The following BCAR1 variants were observed in gnomAD, a reference collection of about 807,000 sequenced individuals.
The protein encoded by BCAR1 is breast cancer anti-estrogen resistance protein 1.
A neutral mutation model predicts 67.6 loss-of-function variants in BCAR1; 30 were observed. The observed-to-expected ratio is 0.44, with a 90% CI of 0.33 to 0.60. The LOEUF (loss-of-function observed/expected upper bound fraction) is 0.60, where lower values mean the gene tolerates loss of function less well. Among genes scored for constraint, BCAR1 ranks in the 20% least tolerant of loss-of-function variants. BCAR1 has a pLI of 0.02. For missense variants in BCAR1, 1,313 were observed against 1,222.3 expected (o/e 1.07, Z -1.11); for synonymous variants, 626 against 556.7 (o/e 1.12, Z -1.75).
chr16:75,232,826 CTG>C (rs1203568138), intron 6 of BCAR1, among the ~76,000 whole-genome samples: 2 of 152,174 alleles, frequency 1.3e-5, no homozygotes, highest in Non-Finnish European at 2.9e-5. Context: ...AGCCTCACTG[CTG>C]TGTGTCGTGG....
chr16:75,267,403 GGT>G lies in BCAR1; in HGVS notation c.66+510_66+511del, dbSNP rs527689155. On this transcript the variant is annotated intron_variant, in intron 1 of 6. Coordinates refer to the BCAR1 transcript ENST00000393422. ...CAGGGCCACAGCAAGCCGGGGGGGGGGTGGGGGGCCTGGACCGACAGCTGCCA... is the reference window on the plus strand; with the variant it reads ...CAGGGCCACAGCAAGCCGGGGGGGGGGGGGGGCCTGGACCGACAGCTGCCA... Among the ~76,000 whole-genome samples, 458 of 143,398 alleles carry G rather than the reference GGT, an allele frequency of 3.2e-3. 13 individuals are homozygous for G. Among genetic ancestry groups the G allele is most frequent in the African/African-American group, 0.012 (429 of 36,110 alleles). 94.1% of individuals were successfully genotyped at this position (143,398 alleles called of 152,430 possible). A position where few individuals can be genotyped will look rare whatever the true frequency, so the allele number is the denominator to read the frequency against.
At position 75,235,422 on chromosome 16, in the gene BCAR1, G is replaced by A; in HGVS notation, c.1477C>T (p.Pro493Ser). 6.2e-7 allele frequency: 1 copy of A among 1,608,226 alleles called. No homozygotes were observed. Residue 493 changes from proline (P) to serine (S), a missense_variant, in exon 5 of 7, where the codon CCC (proline) becomes TCC (serine). Transcript: ENST00000162330. ...SAGATGSWRS[P>S]SEPQEPLVQD... ...ACCAGCGGCTCCTGTGGCTCAGAGGGGCTACGCCAGCTCCCAGTCGCACCG... is the reference window on the plus strand; with the variant it reads ...ACCAGCGGCTCCTGTGGCTCAGAGGAGCTACGCCAGCTCCCAGTCGCACCG...
In BCAR1 at chr16:75,230,030, C is replaced by A. The variant is rs1261142620; in HGVS notation, c.2101-7G>T. On this transcript the variant is annotated splice_region_variant and splice_polypyrimidine_tract_variant and intron_variant, in intron 6 of 6. Coordinates refer to ENST00000162330, the MANE Select transcript of BCAR1 (RefSeq NM_014567.5). ...GTCGTTCAAACTGCTTCAGCTGGGGCAGGAGGGAAGCAGGAGCAGGGTTAG... is the reference window on the plus strand; with the variant it reads ...GTCGTTCAAACTGCTTCAGCTGGGGAAGGAGGGAAGCAGGAGCAGGGTTAG... The A allele has an allele frequency of 2.6e-6, 4 of 1,525,302 alleles. No individual in the cohort carries two copies. The South Asian group carries it at 3.9e-5, about 15-fold the overall frequency. 94.5% of individuals were successfully genotyped at this position (1,525,302 alleles called of 1,614,324 possible). A position where few individuals can be genotyped will look rare whatever the true frequency, so the allele number is the denominator to read the frequency against.
rs1261253394 is a variant in BCAR1 at position 75,235,103 on chromosome 16, C to T, written c.1796G>A (p.Gly599Asp). 1.9e-6 allele frequency: 3 copies of T among 1,611,974 alleles called. No individual in the cohort carries two copies. Among genetic ancestry groups the T allele is most frequent in the South Asian group, 2.2e-5 (2 of 91,088 alleles). Residue 599 changes from glycine (G) to aspartate (D), a missense_variant, in exon 5 of 7, where the codon GGC becomes GAC. Gly to Asp is a moderately conservative substitution (Grantham distance 94, BLOSUM62 -1). Coordinates refer to ENST00000162330, the MANE Select transcript of BCAR1 (RefSeq NM_014567.5). Reference protein sequence around the residue: ...DAKQLASFLHGNASLLFRRTK... With the variant: ...DAKQLASFLHDNASLLFRRTK... ...CCGTCTGAAGAGCAGTGAGGCATTG[C>T]CGTGCAGGAAGGAGGCCAGCTGCTT...
At chr16:75,258,536 A>C (rs528820167) in intron 1 of BCAR1, among the ~76,000 whole-genome samples, 65 of 152,348 alleles carry the variant, frequency 4.3e-4, no homozygotes, top group Non-Finnish European at 4.7e-4. Flanking sequence ...GTGTGTGTTA[A>C]GGGGCACAAA....
At chr16:75,264,315 G>T in intron 1 of BCAR1, 1 of 1,450,648 alleles carries the variant, frequency 6.9e-7, no homozygotes, top group South Asian at 1.4e-5. Context: ...GATGTGGCCA[G>T]AGTGACATTC....
At chr16:75,238,046 G>C (rs1412517075) in intron 2 of BCAR1, 1 of 1,288,868 alleles carries the variant, frequency 7.8e-7, no homozygotes, top group East Asian at 5.6e-5. Context: ...GCCTAGTGGG[G>C]GAAGTGGGTC....
At chr16:75,242,352 A>T (rs1481496741) in intron 2 of BCAR1, 118 bp downstream of exon 2, 1 of 1,303,578 alleles carries the variant, frequency 7.7e-7, no homozygotes, top group Non-Finnish European at 9.7e-7. Context: ...ACCCCAGACC[A>T]AACACACAGC....
Position 75,235,465 on chromosome 16 carries a change from C to A in BCAR1, c.1434G>T (p.Leu478=). Residue 478 remains leucine, a synonymous_variant, in exon 5 of 7, where the codon CTG becomes CTT. Coordinates refer to ENST00000162330, the MANE Select transcript of BCAR1 (RefSeq NM_014567.5). The part of the protein sequence containing the change: ...QGVSATVAHL[L]DLAGSAGATG... ...TCGCACCGGCGCTGCCTGCCAGGTC[C>A]AGAAGGTGGGCAACGGTGGCGCTCA... The A allele has an allele frequency of 6.2e-7, 1 of 1,606,872 alleles. No individual in the cohort carries two copies. The highest frequency in any genetic ancestry group is 2.2e-5 in the East Asian group (1 of 44,610).
Position 75,229,963 on chromosome 16 carries a change from T to A in BCAR1, c.2161A>T (p.Asn721Tyr). Residue 721 changes from asparagine (N) to tyrosine (Y), a missense_variant, in exon 7 of 7, where the codon AAC becomes TAC. Physicochemically the swap from Asn to Tyr is moderately radical, Grantham distance 143. Coordinates refer to ENST00000162330, the MANE Select transcript of BCAR1 (RefSeq NM_014567.5). ...VSRPIDHDLA[N>Y]WTPAQPLAPG... ...GCCAGGGGTTGGGCTGGCGTCCAGT[T>A]GGCCAGGTCGTGGTCTATGGGCCGT... 1.3e-6 allele frequency: 2 copies of A among 1,593,456 alleles called. No individual in the cohort carries two copies. The highest frequency in any genetic ancestry group is 4.5e-5 in the East Asian group (2 of 44,496).
intron 2 of BCAR1, chr16:75,238,451 G>A (rs1001188218): frequency 1.4e-5 from 14 of 1,023,616 alleles, no homozygotes; most frequent in Middle Eastern, 4.8e-4. Context: ...CCCCTCCCCC[G>A]GGCCCAGTGC....
intron 2 of BCAR1, among the ~76,000 whole-genome samples, chr16:75,242,197 C>T (rs567139213): frequency 3.9e-5 from 6 of 152,372 alleles, no homozygotes; most frequent in Admixed American, 3.9e-4. Context: ...CACTGGAACG[C>T]CTCAACAGGC....
At chr16:75,259,643 G>C (rs2077854498) in intron 1 of BCAR1, among the ~76,000 whole-genome samples, 1 of 151,842 alleles carries the variant, frequency 6.6e-6, no homozygotes, top group Non-Finnish European at 1.5e-5. Context: ...ACGAGGTCAG[G>C]AGATTGAGAC....
At chr16:75,245,672 G>A (rs1395567924) in intron 1 of BCAR1, among the ~76,000 whole-genome samples, 10 of 152,324 alleles carry the variant, frequency 6.6e-5, no homozygotes, top group Non-Finnish European at 1.5e-4. Flanking sequence ...TGGGCACGTG[G>A]CACCAGGCGC....
Position 75,237,055 on chromosome 16 carries a change from A to G in BCAR1, c.796-57T>C. On this transcript the variant is annotated intron_variant, in intron 3 of 6. Coordinates refer to ENST00000162330, the MANE Select transcript of BCAR1 (RefSeq NM_014567.5). Reference sequence around the variant, plus strand: ...CCAGGGCCACTTGGGGGAATAGGAAAGGTGGGAACCCCGCAGCACCGTCCC... The same window carrying G: ...CCAGGGCCACTTGGGGGAATAGGAAGGGTGGGAACCCCGCAGCACCGTCCC... 4 of 1,538,800 alleles carry G rather than the reference A, an allele frequency of 2.6e-6. No individual in the cohort carries two copies. In the Admixed American group the frequency reaches 7.4e-5, roughly 29 times the overall value.
chr16:75,259,781 G>C (rs1367358454), intron 1 of BCAR1, among the ~76,000 whole-genome samples: 1 of 150,918 alleles, frequency 6.6e-6, no homozygotes, highest in Admixed American at 6.6e-5. Flanking sequence ...GAACCTAGGA[G>C]GTGGAGGTTG....
intron 1 of BCAR1, chr16:75,248,583 C>T: frequency 5.4e-6 from 1 of 184,310 alleles, no homozygotes. Flanking sequence ...ACCTGCCAGC[C>T]TTAGTGGCAA....
At position 75,243,541 on chromosome 16, in the gene BCAR1, C is replaced by T. The variant is rs181736615; in HGVS notation, c.13-451G>A. The T allele has an allele frequency of 1.5e-3, 751 of 490,690 alleles. 3 individuals carry two copies. Among genetic ancestry groups the T allele is most frequent in the African/African-American group, 0.013 (661 of 49,508 alleles). The allele number at this position is 490,690 out of a possible 1,614,324, so 30.4% of individuals were successfully genotyped here. On this transcript the variant is annotated intron_variant, in intron 1 of 6. Transcript: ENST00000162330. The stretch of plus-strand genomic sequence containing the variant: ...CAGCTTCTTAGGATAAAAAAATGAA[C>T]AACAATAAGACAGAGCTTCCTTAAC...
intron 2 of BCAR1, among the ~76,000 whole-genome samples, chr16:75,239,351 C>T (rs1567601691): frequency 2.0e-5 from 3 of 152,176 alleles, no homozygotes; most frequent in Admixed American, 1.3e-4. Flanking sequence ...GCAGAGAAAA[C>T]ACAGCACAGG....
Sources: gnomAD v4.1 joint callset for allele counts (sites outside exome capture counted in the v4.1 genomes callset) on GRCh38, gnomAD v4.1.1 for gene constraint, MANE v1.5 for transcripts, NCBI Gene and HGNC (gene_info 2026-07-23, HGNC 2026-07-21) for gene names.